Variants in INPP5D observed in about 807,000 individuals in gnomAD.
INPP5D encodes phosphatidylinositol 3,4,5-trisphosphate 5-phosphatase 1.
Under a neutral mutation model 122.9 loss-of-function variants are expected in INPP5D, and 33 were observed. The observed-to-expected ratio is 0.27, with a 90% CI of 0.20 to 0.36. The LOEUF (loss-of-function observed/expected upper bound fraction) is 0.36. Among genes scored for constraint, INPP5D ranks in the 10% least tolerant of loss-of-function variants. The pLI, the probability that INPP5D is intolerant of heterozygous loss-of-function variation, is 1.00. For missense variants in INPP5D, 1,053 were observed against 1,412.7 expected, an observed-to-expected ratio of 0.75 and a Z score of 4.08; for synonymous variants, 584 against 576.2, an observed-to-expected ratio of 1.01 and a Z score of -0.19.
At chr2:233,085,401 G>A (rs1691803780) in intron 2 of INPP5D, among the ~76,000 whole-genome samples, 1 of 150,992 alleles carries the variant, frequency 6.6e-6, no homozygotes, top group Non-Finnish European at 1.5e-5. Context: ...AAAAAAAAAA[G>A]AATGTAGCGT....
At chr2:233,085,611 C>G (rs1691810171) in intron 2 of INPP5D, among the ~76,000 whole-genome samples, 1 of 152,152 alleles carries the variant, frequency 6.6e-6, no homozygotes, top group African/African-American at 2.4e-5. Context: ...AAAGACCTTT[C>G]TTCTGTTAGG....
chr2:233,109,658 A>G (rs930902611), intron 2 of INPP5D, among the ~76,000 whole-genome samples: 3 of 151,902 alleles, frequency 2.0e-5, no homozygotes, highest in Non-Finnish European at 4.4e-5. Flanking sequence ...GGCTCACTGC[A>G]ACCTCTGCCT....
Position 233,089,999 on chromosome 2 carries a change from C to T in INPP5D, c.198+10601C>T, listed in dbSNP as rs377689006. 1.7e-4 allele frequency among the ~76,000 whole-genome samples: 26 copies of T among 152,346 alleles called. 1 individual carries two copies. In the South Asian group the frequency reaches 1.9e-3, roughly 11 times the overall value. On this transcript the variant is annotated intron_variant, in intron 2 of 26. Transcript: ENST00000445964. ...GCTTCCAAACAATCCCCCCGCCCAG[C>T]GTCCACATCCTCGCATTGTGGGGTG... is the stretch of plus-strand genomic sequence containing the variant.
chr2:233,088,761 C>G (rs556869596), intron 2 of INPP5D, among the ~76,000 whole-genome samples: 1 of 152,306 alleles, frequency 6.6e-6, no homozygotes, highest in East Asian at 1.9e-4. Flanking sequence ...CATGACTGGC[C>G]AAGAGCTGGG....
intron 2 of INPP5D, among the ~76,000 whole-genome samples, chr2:233,090,259 T>A (rs12233023): frequency 0.3 from 46,220 of 152,182 alleles, 8,211 homozygotes; most frequent in East Asian, 0.71. Flanking sequence ...TATTTCATTT[T>A]GAGCAACCCC....
intron 4 of INPP5D, among the ~76,000 whole-genome samples, chr2:233,129,895 TGTGTGTG>T (rs947996717): frequency 6.8e-6 from 1 of 147,704 alleles, no homozygotes; most frequent in African/African-American, 2.5e-5. Context: ...TGTGTGTGTG[TGTGTGTG>T]TGTGTGTGTG....
chr2:233,204,306 A>G lies in INPP5D; in HGVS notation c.3156A>G (p.Glu1052=). 1 of 1,612,408 alleles carries G rather than the reference A, an allele frequency of 6.2e-7. No homozygotes were observed. The highest frequency in any genetic ancestry group is 8.5e-7 in the Non-Finnish European group (1 of 1,179,440). ...MPRKEPPPCP[E]PGILSPSIVL... is the part of the protein sequence containing the mutation. ...GGAAGGAACCCCCGCCCTGCCCGGA[A>G]CCCGGCATCTTGTCGCCCAGCATCG... Residue 1052 remains glutamate (E), a synonymous_variant, in exon 26 of 27, where the codon GAA becomes GAG. Transcript: ENST00000445964.
At chr2:233,121,414 C>T (rs987529529) in intron 2 of INPP5D, among the ~76,000 whole-genome samples, 5 of 148,792 alleles carry the variant, frequency 3.4e-5, no homozygotes, top group African/African-American at 7.4e-5. Context: ...CTGGGATTAC[C>T]GGCACAAGCC....
In INPP5D at chr2:233,125,926, C is replaced by G; in HGVS notation, c.524+7C>G. 4 of 1,608,014 alleles carry G rather than the reference C, an allele frequency of 2.5e-6. No homozygotes were observed. The highest frequency in any genetic ancestry group is 3.4e-6 in the Non-Finnish European group (4 of 1,178,414). ...AAAGCATGGACACCAGTGGGTGAGT[C>G]CCCACTCAAGTCCAGCTGGGCCTTC... On this transcript the variant is annotated splice_region_variant and intron_variant, in intron 4 of 26. Coordinates refer to ENST00000445964, the MANE Select transcript of INPP5D (RefSeq NM_001017915.3).
intron 26 of INPP5D, 96 bp downstream of exon 26, chr2:233,204,813 TGTGCACGCATGCATATGTGC>T: frequency 7.1e-7 from 1 of 1,405,424 alleles, no homozygotes; most frequent in Non-Finnish European, 9.3e-7. Flanking sequence ...TGCATGTGTG[TGTGCACGCATGCATATGTGC>T]GTGCATGTGT....
chr2:233,149,830 T>C (rs1317103850), intron 9 of INPP5D, among the ~76,000 whole-genome samples: 1 of 152,104 alleles, frequency 6.6e-6, no homozygotes, highest in Non-Finnish European at 1.5e-5. Context: ...TCATGAGTCT[T>C]ATGTGGGTGA....
chr2:233,175,581 T>C (rs1425634243), intron 17 of INPP5D, among the ~76,000 whole-genome samples: 2 of 152,142 alleles, frequency 1.3e-5, no homozygotes, highest in Non-Finnish European at 2.9e-5. Context: ...TAAAAATGCA[T>C]GGGACTGTAC....
chr2:233,198,506 T>A, intron 25 of INPP5D, 130 bp downstream of exon 25: 1 of 1,396,492 alleles, frequency 7.2e-7, no homozygotes, highest in Non-Finnish European at 9.4e-7. Flanking sequence ...GACTTATCCC[T>A]GGGGCCTGAA....
chr2:233,192,345 C>G (rs1012687768), intron 22 of INPP5D, among the ~76,000 whole-genome samples: 29 of 152,176 alleles, frequency 1.9e-4, no homozygotes, highest in Admixed American at 1.3e-3. Context: ...GCTTCATATT[C>G]ATACTCACAA....
rs142969279 is a variant in INPP5D, at chr2:233,092,328, G to A, written c.198+12930G>A. ...CCCCAGAGTACCTCAAGAGTTTTAC[G>A]AAAAGAAAAGAAGCAAGCTGGAAAG... is the stretch of plus-strand genomic sequence containing the variant. On this transcript the variant is annotated intron_variant, in intron 2 of 26. Coordinates refer to ENST00000445964, the MANE Select transcript of INPP5D (RefSeq NM_001017915.3). Among the ~76,000 whole-genome samples the A allele has an allele frequency of 7.1e-3, 1,079 of 152,260 alleles. 18 individuals are homozygous for A. Among genetic ancestry groups the A allele is most frequent in the African/African-American group, 0.025 (1,033 of 41,558 alleles).
intron 23 of INPP5D, among the ~76,000 whole-genome samples, 166 bp downstream of exon 23, chr2:233,194,127 C>G (rs1056050783): frequency 6.6e-6 from 1 of 152,162 alleles, no homozygotes; most frequent in South Asian, 2.1e-4. Context: ...TCACTCAACT[C>G]AAAAATGTCC....
At chr2:233,173,469 T>C (rs763824123) in intron 17 of INPP5D, among the ~76,000 whole-genome samples, 8 of 152,194 alleles carry the variant, frequency 5.3e-5, no homozygotes, top group Non-Finnish European at 1.0e-4. Context: ...AAGCTTTTTA[T>C]TTATAAACAA....
chr2:233,083,104 G>A (rs1239091484), intron 2 of INPP5D, among the ~76,000 whole-genome samples: 1 of 152,216 alleles, frequency 6.6e-6, no homozygotes, highest in Non-Finnish European at 1.5e-5. Flanking sequence ...ATTCCCGGCT[G>A]GGATCTGGGT....
At chr2:233,148,019 A>G (rs1322358546) in intron 9 of INPP5D, among the ~76,000 whole-genome samples, 3 of 152,278 alleles carry the variant, frequency 2.0e-5, no homozygotes, top group Non-Finnish European at 4.4e-5. Flanking sequence ...TGTGAATAAT[A>G]TGCTCAAGGC....
Sources: allele counts gnomAD v4.1 joint callset (sites outside exome capture counted in the v4.1 genomes callset), GRCh38; gene constraint gnomAD v4.1.1; transcripts MANE v1.5; gene names NCBI Gene and HGNC (gene_info 2026-07-23, HGNC 2026-07-21).